The following BCKDHB variants were observed in gnomAD, a reference collection of about 807,000 sequenced individuals.
BCKDHB encodes the protein 2-oxoisovalerate dehydrogenase subunit beta, mitochondrial.
A neutral mutation model predicts 48.5 loss-of-function variants in BCKDHB; 41 were observed. That is an observed-to-expected ratio of 0.85 (90% CI 0.66 to 1.10). BCKDHB has a LOEUF of 1.10. BCKDHB is among the 50% of genes least tolerant of loss of function. The pLI is 0.00. For synonymous variants in BCKDHB, 201 were observed against 174.8 expected (o/e 1.15, Z -1.18); for missense variants, 496 against 494.2 (o/e 1.00, Z -0.03).
At chr6:80,271,081 A>G (rs1446235181) in intron 8 of BCKDHB, among the ~76,000 whole-genome samples, 2 of 151,952 alleles carry the variant, frequency 1.3e-5, no homozygotes, top group Non-Finnish European at 2.9e-5. Flanking sequence ...ACTATTTTTG[A>G]TATTTTGGAG....
the BCKDHB span, among the ~76,000 whole-genome samples, chr6:80,426,275 A>G: frequency 1.3e-5 from 2 of 152,136 alleles, no homozygotes; most frequent in African/African-American, 4.8e-5. Context: ...GGCTGGGAAT[A>G]GTTGTTTCTA....
intron 9 of BCKDHB, among the ~76,000 whole-genome samples, chr6:80,313,097 A>G (rs1768249294): frequency 6.6e-6 from 1 of 152,122 alleles, no homozygotes; most frequent in South Asian, 2.1e-4. Flanking sequence ...TACTGCCTCA[A>G]TTTCAGAACT....
In BCKDHB at chr6:80,239,555, C is replaced by G. The variant is rs1166874812; in HGVS notation, c.952-33580C>G. On this transcript the variant is annotated intron_variant, in intron 8 of 9. Transcript: ENST00000320393. ...ATTTTTCTCCCATTCTGTAGGTTGC[C>G]TATTCACTCTGATGGTAGTCTCCTT... Among the ~76,000 whole-genome samples the G allele has an allele frequency of 3.9e-5, 6 of 152,234 alleles. No individual in the cohort carries two copies. In the East Asian group the frequency reaches 9.6e-4, roughly 24 times the overall value.
At chr6:80,122,973 C>T (rs1432127974) in intron 1 of BCKDHB, among the ~76,000 whole-genome samples, 1 of 146,870 alleles carries the variant, frequency 6.8e-6, no homozygotes, top group Non-Finnish European at 1.5e-5. Flanking sequence ...CCCCCCTCCC[C>T]CCCGGCCCCC....
chr6:80,452,460 G>C, the BCKDHB span, among the ~76,000 whole-genome samples: 58,443 of 151,922 alleles, frequency 0.38, 14,014 homozygotes, highest in Non-Finnish European at 0.54. Flanking sequence ...AGATGCAGGG[G>C]ATATAAGAAT....
At chr6:80,436,626 G>A in the BCKDHB span, among the ~76,000 whole-genome samples, 11 of 152,236 alleles carry the variant, frequency 7.2e-5, no homozygotes, top group South Asian at 4.1e-4. Context: ...AAACCACTGC[G>A]AATTTAGAGG....
intron 9 of BCKDHB, among the ~76,000 whole-genome samples, chr6:80,296,349 C>G (rs1240343772): frequency 6.6e-6 from 1 of 152,124 alleles, no homozygotes; most frequent in Non-Finnish European, 1.5e-5. Flanking sequence ...TTGGTTACCT[C>G]TGTGGCATAC....
chr6:80,300,115 G>C (rs1038251454), intron 9 of BCKDHB, among the ~76,000 whole-genome samples: 1 of 151,418 alleles, frequency 6.6e-6, no homozygotes, highest in South Asian at 2.1e-4. Context: ...GTAGCGCTAT[G>C]ATCTCAGCCC....
the BCKDHB span, chr6:80,443,495 G>C: frequency 6.6e-6 from 1 of 152,170 alleles, no homozygotes; most frequent in Non-Finnish European, 1.5e-5. Flanking sequence ...AGGACATGAA[G>C]TGAAAAGCGG....
intron 6 of BCKDHB, among the ~76,000 whole-genome samples, chr6:80,184,709 C>T (rs777388401): frequency 3.1e-4 from 47 of 152,240 alleles, no homozygotes; most frequent in Non-Finnish European, 5.3e-4. Context: ...AGTTTTGCGG[C>T]ATACAAAATT....
chr6:80,368,476 CT>C, the BCKDHB span, among the ~76,000 whole-genome samples: 7 of 152,114 alleles, frequency 4.6e-5, no homozygotes, highest in Non-Finnish European at 2.9e-5. Context: ...CAAAATTATT[CT>C]TATAATACAG....
At chr6:80,386,082 A>G in the BCKDHB span, among the ~76,000 whole-genome samples, 1 of 152,120 alleles carries the variant, frequency 6.6e-6, no homozygotes, top group Non-Finnish European at 1.5e-5. Context: ...GGGGATTGGG[A>G]TGGTGGAGTG....
At chr6:80,333,889 A>G (rs1229291252) in intron 9 of BCKDHB, among the ~76,000 whole-genome samples, 1 of 152,120 alleles carries the variant, frequency 6.6e-6, no homozygotes, top group Non-Finnish European at 1.5e-5. Flanking sequence ...GTCACTAACT[A>G]CCTCTTCATT....
At chr6:80,262,053 G>A (rs1008320340) in intron 8 of BCKDHB, among the ~76,000 whole-genome samples, 1 of 152,134 alleles carries the variant, frequency 6.6e-6, no homozygotes, top group African/African-American at 2.4e-5. Context: ...TTGATCTCTG[G>A]TGTAGAAGCT....
the BCKDHB span, among the ~76,000 whole-genome samples, chr6:80,452,728 G>C: frequency 6.6e-6 from 1 of 152,158 alleles, no homozygotes. Flanking sequence ...GGTGGGCATG[G>C]AGCACACTGG....
intron 3 of BCKDHB, among the ~76,000 whole-genome samples, chr6:80,166,619 G>GA (rs1283168261): frequency 6.6e-6 from 1 of 150,852 alleles, no homozygotes; most frequent in African/African-American, 2.4e-5. Context: ...TTGCGCCATT[G>GA]CACTCTAGCC....
intron 8 of BCKDHB, among the ~76,000 whole-genome samples, chr6:80,255,071 A>C (rs1776995077): frequency 6.6e-6 from 1 of 152,192 alleles, no homozygotes; most frequent in Non-Finnish European, 1.5e-5. Flanking sequence ...AATGAGTCTG[A>C]TTACATTGTC....
In BCKDHB at chr6:80,133,631, A is replaced by G. The variant is rs140362530; in HGVS notation, c.343+4402A>G. Among the ~76,000 whole-genome samples, 4 of 151,926 alleles carry G rather than the reference A, an allele frequency of 2.6e-5. No homozygotes were observed. The East Asian group carries it at 7.7e-4, about 29-fold the overall frequency. On this transcript the variant is annotated intron_variant, in intron 3 of 9. Coordinates refer to ENST00000320393, the MANE Select transcript of BCKDHB (RefSeq NM_183050.4). ...TATGTGTGATTTTATGTTGAATGCC[A>G]CACATGCTTTCTTTCTTTCTTTTTT... is the stretch of plus-strand genomic sequence containing the variant.
chr6:80,210,340 G>A (rs1284427776), intron 8 of BCKDHB, among the ~76,000 whole-genome samples: 2 of 152,058 alleles, frequency 1.3e-5, no homozygotes, highest in Non-Finnish European at 2.9e-5. Flanking sequence ...ACTCAAGTAA[G>A]TACATACTGA....
Sources: gnomAD v4.1 joint callset for allele counts (sites outside exome capture counted in the v4.1 genomes callset) on GRCh38, gnomAD v4.1.1 for gene constraint, MANE v1.5 for transcripts, NCBI Gene and HGNC (gene_info 2026-07-23, HGNC 2026-07-21) for gene names.